Variants in EXT1 observed in about 807,000 individuals in gnomAD.
EXT1 encodes exostosin glycosyltransferase 1.
EXT1 carries 20 observed loss-of-function variants against 82.5 expected under a neutral mutation model. The ratio of observed to expected loss-of-function variants is 0.24; its 90% CI spans 0.17 to 0.35. EXT1 has a LOEUF of 0.35. Ranked by LOEUF, EXT1 falls within the 10% of genes least tolerant of loss-of-function variation. EXT1 has a pLI of 1.00. For synonymous variants in EXT1, 348 were observed against 350.8 expected, an observed-to-expected ratio of 0.99 and a Z score of 0.09; for missense variants, 757 against 936.5, an observed-to-expected ratio of 0.81 and a Z score of 2.50.
At chr8:117,995,746 T>C (rs1011728398) in intron 1 of EXT1, among the ~76,000 whole-genome samples, 1 of 152,180 alleles carries the variant, frequency 6.6e-6, no homozygotes, top group Non-Finnish European at 1.5e-5. Context: ...TAATCATCCA[T>C]TCTCTGCTTA....
intron 1 of EXT1, among the ~76,000 whole-genome samples, chr8:117,898,110 G>A (rs900087108): frequency 2.0e-5 from 3 of 152,206 alleles, no homozygotes; most frequent in Non-Finnish European, 4.4e-5. Context: ...TGACCCCAAA[G>A]TGTATACTCT....
intron 7 of EXT1, among the ~76,000 whole-genome samples, chr8:117,814,490 T>C (rs545760349): frequency 6.6e-6 from 1 of 152,202 alleles, no homozygotes; most frequent in African/African-American, 2.4e-5. Context: ...AACCCCATTT[T>C]ACAGGGAGGG....
chr8:118,093,695 C>T (rs1817561864), intron 1 of EXT1, among the ~76,000 whole-genome samples: 1 of 152,180 alleles, frequency 6.6e-6, no homozygotes, highest in African/African-American at 2.4e-5. Context: ...ATAATTGCAG[C>T]TTTGTCTCCT....
At chr8:118,035,019 G>A (rs1327424886) in intron 1 of EXT1, among the ~76,000 whole-genome samples, 5 of 152,176 alleles carry the variant, frequency 3.3e-5, no homozygotes, top group Non-Finnish European at 1.5e-5. Flanking sequence ...GGAAAATGTG[G>A]TTTCTGACAA....
rs1245007762 is a variant in EXT1 at position 117,851,817 on chromosome 8, C to T, written c.963-14616G>A. Among the ~76,000 whole-genome samples the T allele has an allele frequency of 2.0e-5, 3 of 152,036 alleles. No individual in the cohort carries two copies. In the East Asian group the frequency reaches 5.8e-4, roughly 29 times the overall value. On this transcript the variant is annotated intron_variant, in intron 1 of 10. Transcript: ENST00000378204. ...GCCATTCTTGGACACTGTGTTTGGG[C>T]CCTGGTAGTAAAAGCCTGGGCCAAA...
At chr8:118,101,445 G>T (rs1817717847) in intron 1 of EXT1, among the ~76,000 whole-genome samples, 1 of 152,210 alleles carries the variant, frequency 6.6e-6, no homozygotes, top group Non-Finnish European at 1.5e-5. Context: ...ATGCCCAGAG[G>T]TCAAAGCGAC....
In EXT1 at chr8:118,062,056, A is replaced by T. The variant is rs569501833; in HGVS notation, c.962+48029T>A. Among the ~76,000 whole-genome samples the T allele has an allele frequency of 2.0e-5, 3 of 150,622 alleles. No homozygotes were observed. The South Asian group carries it at 6.3e-4, about 31-fold the overall frequency. ...TGGCTTGCAATGGTACAGCTTCATT[A>T]AAAAAAAACAAGAGACACCAACTGT... On this transcript the variant is annotated intron_variant, in intron 1 of 10. Coordinates refer to ENST00000378204, the MANE Select transcript of EXT1 (RefSeq NM_000127.3).
At chr8:118,076,477 G>A (rs1817210267) in intron 1 of EXT1, among the ~76,000 whole-genome samples, 1 of 152,210 alleles carries the variant, frequency 6.6e-6, no homozygotes, top group African/African-American at 2.4e-5. Flanking sequence ...CTATCACGCA[G>A]TAATTATTCC....
intron 1 of EXT1, among the ~76,000 whole-genome samples, chr8:117,874,190 T>C (rs12542013): frequency 0.13 from 19,893 of 152,120 alleles, 1,337 homozygotes; most frequent in Middle Eastern, 0.17. Flanking sequence ...CAAAAAGGCT[T>C]TGGTAGAGTA....
intron 1 of EXT1, among the ~76,000 whole-genome samples, chr8:117,871,821 G>T (rs1812878707): frequency 6.6e-6 from 1 of 152,104 alleles, no homozygotes; most frequent in Non-Finnish European, 1.5e-5. Flanking sequence ...GTTGCCTGGG[G>T]CCAAGGAATT....
At position 118,027,313 on chromosome 8, in the gene EXT1, TCACACACACACACA is replaced by T. The variant is rs71307421; in HGVS notation, c.962+82758_962+82771del. 4.1e-3 allele frequency among the ~76,000 whole-genome samples: 599 copies of T among 145,516 alleles called. 5 individuals carry two copies. Among genetic ancestry groups the T allele is most frequent in the African/African-American group, 0.013 (506 of 39,696 alleles). On this transcript the variant is annotated intron_variant, in intron 1 of 10. Transcript: ENST00000378204. ...TTTCGAGTTTCCAAATCAGTTTCTT[TCACACACACACACA>T]CACACACACACACACACACACACAC...
chr8:117,809,244 T>TATATATATA (rs1554657605), intron 8 of EXT1, among the ~76,000 whole-genome samples: 23 of 138,130 alleles, frequency 1.7e-4, no homozygotes, highest in South Asian at 6.8e-4. Context: ...TATATATATA[T>TATATATATA]TATGTTCTAT....
At chr8:117,917,469 A>C (rs553126759) in intron 1 of EXT1, among the ~76,000 whole-genome samples, 5 of 152,342 alleles carry the variant, frequency 3.3e-5, no homozygotes, top group African/African-American at 1.2e-4. Flanking sequence ...CATCTCAAAA[A>C]ATAAAAATAA....
At chr8:117,962,354 T>C (rs1462653117) in intron 1 of EXT1, among the ~76,000 whole-genome samples, 1 of 151,974 alleles carries the variant, frequency 6.6e-6, no homozygotes, top group East Asian at 1.9e-4. Context: ...CCTGTAATCC[T>C]AGCACTCTGG....
intron 1 of EXT1, among the ~76,000 whole-genome samples, chr8:117,945,439 G>C (rs746903778): frequency 9.2e-5 from 14 of 152,118 alleles, no homozygotes; most frequent in South Asian, 2.1e-4. Flanking sequence ...TTGGGCAAAG[G>C]GGGGCAAGTT....
intron 1 of EXT1, among the ~76,000 whole-genome samples, chr8:117,883,173 C>T (rs905456747): frequency 6.6e-6 from 1 of 152,172 alleles, no homozygotes; most frequent in Non-Finnish European, 1.5e-5. Flanking sequence ...TAGCACACCC[C>T]AGAGGTATAA....
chr8:117,858,848 A>G (rs6992765), intron 1 of EXT1, among the ~76,000 whole-genome samples: 2,503 of 29,122 alleles, frequency 0.086, 82 homozygotes, highest in East Asian at 0.13. Context: ...AAGGAAGGAA[A>G]GAAAGAAAGA....
intron 1 of EXT1, among the ~76,000 whole-genome samples, chr8:118,053,359 C>T (rs868088191): frequency 6.6e-6 from 1 of 152,186 alleles, no homozygotes; most frequent in Non-Finnish European, 1.5e-5. Flanking sequence ...CAGTAACATC[C>T]ACTTCATGCC....
At chr8:117,847,768 T>C (rs1251748230) in intron 1 of EXT1, among the ~76,000 whole-genome samples, 1 of 152,218 alleles carries the variant, frequency 6.6e-6, no homozygotes, top group Non-Finnish European at 1.5e-5. Flanking sequence ...GGAGGATGTT[T>C]GGCATTCCTA....
Sources: gnomAD v4.1 joint callset for allele counts (sites outside exome capture counted in the v4.1 genomes callset) on GRCh38, gnomAD v4.1.1 for gene constraint, MANE v1.5 for transcripts, NCBI Gene and HGNC (gene_info 2026-07-23, HGNC 2026-07-21) for gene names.